The following AFF3 variants were observed in gnomAD, a reference collection of about 807,000 sequenced individuals.
AFF3 encodes ALF transcription elongation factor 3.
AFF3 carries 32 observed loss-of-function variants against 129.7 expected under a neutral mutation model. That is an observed-to-expected ratio of 0.25 (90% CI 0.19 to 0.33). AFF3 has a LOEUF of 0.33. Ranked by LOEUF, AFF3 falls within the 10% of genes least tolerant of loss-of-function variation. AFF3 has a pLI of 1.00. For missense variants in AFF3, 1,373 were observed against 1,592.0 expected, an observed-to-expected ratio of 0.86 and a Z score of 2.34; for synonymous variants, 644 against 635.4, an observed-to-expected ratio of 1.01 and a Z score of -0.20.
chr2:100,029,410 T>C (rs1684304457), intron 4 of AFF3, among the ~76,000 whole-genome samples: 1 of 152,234 alleles, frequency 6.6e-6, no homozygotes, highest in Middle Eastern at 3.4e-3. Context: ...ACCTTGATCA[T>C]GGAATTCCAG....
At chr2:99,714,935 T>G (rs1028126901) in intron 11 of AFF3, among the ~76,000 whole-genome samples, 2 of 152,246 alleles carry the variant, frequency 1.3e-5, no homozygotes, top group African/African-American at 2.4e-5. Flanking sequence ...GACTCCAAGT[T>G]GCACATTATG....
At chr2:99,707,530 C>T (rs1208413114) in intron 11 of AFF3, 5 of 984,778 alleles carry the variant, frequency 5.1e-6, no homozygotes, top group Non-Finnish European at 6.0e-6. Flanking sequence ...GTTAGGTAGC[C>T]TTCTTTGATA....
intron 8 of AFF3, among the ~76,000 whole-genome samples, chr2:99,813,986 A>G (rs984477508): frequency 6.6e-6 from 1 of 151,350 alleles, no homozygotes; most frequent in African/African-American, 2.5e-5. Flanking sequence ...ATACTCAAAG[A>G]AGGGGTGTAC....
intron 7 of AFF3, among the ~76,000 whole-genome samples, chr2:99,926,544 G>A (rs2106274686): frequency 6.6e-6 from 1 of 152,272 alleles, no homozygotes; most frequent in African/African-American, 2.4e-5. Flanking sequence ...GGGTAAATTA[G>A]AATACGGATT....
intron 8 of AFF3, among the ~76,000 whole-genome samples, chr2:99,818,196 T>G (rs1687390137): frequency 6.6e-6 from 1 of 152,176 alleles, no homozygotes; most frequent in African/African-American, 2.4e-5. Flanking sequence ...GCATTTAGGA[T>G]TTTAGATTTG....
At chr2:99,773,546 G>A (rs1344354603) in intron 8 of AFF3, among the ~76,000 whole-genome samples, 3 of 151,336 alleles carry the variant, frequency 2.0e-5, no homozygotes, top group Non-Finnish European at 2.9e-5. Flanking sequence ...GGTGGGGGTG[G>A]AGGTTGGTGT....
intron 14 of AFF3, among the ~76,000 whole-genome samples, chr2:99,600,148 T>C (rs1215146092): frequency 1.3e-5 from 2 of 152,086 alleles, no homozygotes; most frequent in Non-Finnish European, 2.9e-5. Context: ...GATAGATGGA[T>C]AAATAGATGG....
At position 99,773,528 on chromosome 2, in the gene AFF3, G is replaced by T. The variant is rs914885472; in HGVS notation, c.922-21227C>A. ...TGCTACGTCAATTCCTGGGGTTGGG[G>T]TTGAGGTGGTGGGGGTGGAGGTTGG... On this transcript the variant is annotated intron_variant, in intron 8 of 24. Transcript: ENST00000672756. Among the ~76,000 whole-genome samples, 20 of 149,148 alleles carry T rather than the reference G, an allele frequency of 1.3e-4. 3 individuals carry two copies. The highest frequency in any genetic ancestry group is 1.2e-3 in the Admixed American group (18 of 14,872).
At chr2:99,777,947 C>CAAAAA (rs576434643) in intron 8 of AFF3, among the ~76,000 whole-genome samples, 111 of 48,266 alleles carry the variant, frequency 2.3e-3, no homozygotes, top group Admixed American at 3.2e-3. Flanking sequence ...AAAGCAAAAG[C>CAAAAA]AAAAAAAAAA....
At position 99,952,212 on chromosome 2, in the gene AFF3, T is replaced by C. The variant is rs552960584; in HGVS notation, c.873+54420A>G. ...TGTTCTTGTGACAGTGAGTGGGTTA[T>C]TGCAAGATCTAGTTATCTAAAAGCA... On this transcript the variant is annotated intron_variant, in intron 7 of 24. Coordinates refer to ENST00000672756, the MANE Select transcript of AFF3 (RefSeq NM_001386135.1). Among the ~76,000 whole-genome samples, 9 of 152,240 alleles carry C rather than the reference T, an allele frequency of 5.9e-5. No individual in the cohort carries two copies. In the South Asian group the frequency reaches 1.9e-3, roughly 32 times the overall value.
intron 10 of AFF3, among the ~76,000 whole-genome samples, chr2:99,731,626 T>C (rs1679838801): frequency 6.6e-6 from 1 of 152,220 alleles, no homozygotes; most frequent in Non-Finnish European, 1.5e-5. Context: ...ATTTAGTTAA[T>C]AATTTAATTT....
intron 13 of AFF3, among the ~76,000 whole-genome samples, chr2:99,636,706 C>T (rs950370219): frequency 2.6e-5 from 4 of 152,186 alleles, no homozygotes; most frequent in Non-Finnish European, 4.4e-5. Flanking sequence ...CAAGAGGACA[C>T]GACGTGGCAG....
intron 8 of AFF3, among the ~76,000 whole-genome samples, chr2:99,772,136 G>C (rs774068823): frequency 6.6e-6 from 1 of 152,108 alleles, no homozygotes; most frequent in African/African-American, 2.4e-5. Flanking sequence ...AAGGAGAGAA[G>C]AGGAAGAATA....
At chr2:99,862,206 C>T (rs925285900) in intron 7 of AFF3, among the ~76,000 whole-genome samples, 2 of 151,854 alleles carry the variant, frequency 1.3e-5, no homozygotes, top group African/African-American at 2.4e-5. Context: ...TTCCTAAAAG[C>T]TGAATTTTAC....
intron 7 of AFF3, among the ~76,000 whole-genome samples, chr2:99,902,845 C>A (rs983626964): frequency 9.2e-5 from 14 of 152,124 alleles, no homozygotes; most frequent in Non-Finnish European, 1.9e-4. Flanking sequence ...GTCTGAAAGG[C>A]CTCCCATGCA....
intron 8 of AFF3, among the ~76,000 whole-genome samples, chr2:99,792,909 T>C (rs1043717546): frequency 6.6e-6 from 1 of 152,212 alleles, no homozygotes; most frequent in Non-Finnish European, 1.5e-5. Flanking sequence ...ATCTGGGACA[T>C]GTTTCCTCCT....
intron 8 of AFF3, among the ~76,000 whole-genome samples, chr2:99,782,411 T>C (rs930142678): frequency 6.6e-6 from 1 of 152,232 alleles, no homozygotes; most frequent in Non-Finnish European, 1.5e-5. Flanking sequence ...TTTTAAAAGA[T>C]GGTACAAAGT....
At chr2:99,836,623 G>T (rs569366688) in intron 8 of AFF3, among the ~76,000 whole-genome samples, 4 of 151,682 alleles carry the variant, frequency 2.6e-5, no homozygotes, top group African/African-American at 9.7e-5. Context: ...TTTAACCCAA[G>T]TAATTGTATT....
At chr2:100,108,280 C>T (rs976520539) in intron 2 of AFF3, among the ~76,000 whole-genome samples, 10 of 152,164 alleles carry the variant, frequency 6.6e-5, no homozygotes, top group African/African-American at 2.4e-4. Context: ...CCCAGGAGTT[C>T]TTGTGTCTTC....
Sources: gnomAD v4.1 joint callset for allele counts (sites outside exome capture counted in the v4.1 genomes callset) on GRCh38, gnomAD v4.1.1 for gene constraint, MANE v1.5 for transcripts, NCBI Gene and HGNC (gene_info 2026-07-23, HGNC 2026-07-21) for gene names.